Variants in PTPRT observed in about 807,000 individuals in gnomAD.
The protein encoded by PTPRT is protein tyrosine phosphatase receptor type T.
A neutral mutation model predicts 176.8 loss-of-function variants in PTPRT; 56 were observed. The observed-to-expected ratio is 0.32, with a 90% CI of 0.26 to 0.40. PTPRT has a LOEUF of 0.40. Among genes scored for constraint, PTPRT ranks in the 10% least tolerant of loss-of-function variants. PTPRT has a pLI of 1.00. For missense variants in PTPRT, 1,540 were observed against 1,908.2 expected (o/e 0.81, Z 3.60); for synonymous variants, 783 against 739.0 (o/e 1.06, Z -0.96).
At position 42,672,531 on chromosome 20, in the gene PTPRT, C is replaced by T. The variant is rs115427423; in HGVS notation, c.1153+5335G>A. Among the ~76,000 whole-genome samples the T allele has an allele frequency of 3.7e-3, 564 of 152,262 alleles. 4 individuals are homozygous for T. The highest frequency in any genetic ancestry group is 0.012 in the African/African-American group (502 of 41,540). ...ACTAATACAACCACTCATCTCTCAGCCATCTAAACTGAAGCATGGGAGTAT... is the reference window on the plus strand; with the variant it reads ...ACTAATACAACCACTCATCTCTCAGTCATCTAAACTGAAGCATGGGAGTAT... On this transcript the variant is annotated intron_variant, in intron 7 of 30. Transcript: ENST00000373187.
chr20:43,058,769 A>G (rs908023706), intron 1 of PTPRT, among the ~76,000 whole-genome samples: 2 of 152,218 alleles, frequency 1.3e-5, no homozygotes, highest in Non-Finnish European at 1.5e-5. Context: ...TTTTCAGTAC[A>G]ACATAATATA....
chr20:42,032,563 G>A, the PTPRT span, among the ~76,000 whole-genome samples: 4 of 152,148 alleles, frequency 2.6e-5, no homozygotes, highest in Non-Finnish European at 4.4e-5. Flanking sequence ...ACTGAATAGT[G>A]GGCAAACTTT....
chr20:42,763,565 G>A (rs2076944830), intron 5 of PTPRT, among the ~76,000 whole-genome samples: 1 of 152,114 alleles, frequency 6.6e-6, no homozygotes. Flanking sequence ...GAATTTCCTG[G>A]CCAGAAAATA....
chr20:42,232,395 C>T (rs183888912), intron 15 of PTPRT, among the ~76,000 whole-genome samples: 64 of 152,324 alleles, frequency 4.2e-4, no homozygotes, highest in Non-Finnish European at 7.2e-4. Context: ...GACCTTGTTA[C>T]AATGCAGATT....
intron 13 of PTPRT, among the ~76,000 whole-genome samples, chr20:42,271,320 C>T (rs571710569): frequency 6.6e-6 from 1 of 152,204 alleles, no homozygotes; most frequent in Non-Finnish European, 1.5e-5. Flanking sequence ...TGCTCCTTCA[C>T]CTGGCTGATA....
chr20:42,557,160 G>T (rs150479201), intron 7 of PTPRT, among the ~76,000 whole-genome samples: 1 of 151,962 alleles, frequency 6.6e-6, no homozygotes, highest in East Asian at 1.9e-4. Flanking sequence ...CTTGTTTTGC[G>T]GGCTCACCCC....
chr20:42,767,306 A>G (rs1230789495), intron 5 of PTPRT, among the ~76,000 whole-genome samples: 1 of 152,150 alleles, frequency 6.6e-6, no homozygotes, highest in African/African-American at 2.4e-5. Flanking sequence ...GGCCCTCCCC[A>G]GCGTGAATGG....
At chr20:42,995,445 C>A (rs1984169570) in intron 1 of PTPRT, among the ~76,000 whole-genome samples, 1 of 152,114 alleles carries the variant, frequency 6.6e-6, no homozygotes, top group South Asian at 2.1e-4. Flanking sequence ...CTTGTGTGAA[C>A]CAAGTGACAC....
At chr20:43,065,784 T>G (rs2011107204) in intron 1 of PTPRT, among the ~76,000 whole-genome samples, 1 of 152,198 alleles carries the variant, frequency 6.6e-6, no homozygotes, top group Non-Finnish European at 1.5e-5. Context: ...TGATGTTGCC[T>G]CATAGATTCA....
intron 9 of PTPRT, among the ~76,000 whole-genome samples, chr20:42,423,913 A>G (rs2059141439): frequency 6.6e-6 from 1 of 152,236 alleles, no homozygotes; most frequent in South Asian, 2.1e-4. Flanking sequence ...ATATGTATAT[A>G]GACAGGTACT....
At chr20:42,295,282 T>G (rs187480744) in intron 12 of PTPRT, among the ~76,000 whole-genome samples, 5 of 152,280 alleles carry the variant, frequency 3.3e-5, no homozygotes, top group Admixed American at 2.0e-4. Context: ...AAAAACAGCA[T>G]GCAAAGCAAG....
At chr20:43,164,487 A>G (rs1166471064) in intron 1 of PTPRT, among the ~76,000 whole-genome samples, 1 of 152,218 alleles carries the variant, frequency 6.6e-6, no homozygotes, top group Non-Finnish European at 1.5e-5. Context: ...TGAAGGAAAG[A>G]TATTTGAGCT....
At chr20:42,465,404 C>T (rs866679775) in intron 8 of PTPRT, among the ~76,000 whole-genome samples, 65 of 152,090 alleles carry the variant, frequency 4.3e-4, no homozygotes, top group African/African-American at 1.5e-3. Context: ...ACGGAAACAA[C>T]CTGGGTGTCC....
intron 1 of PTPRT, among the ~76,000 whole-genome samples, chr20:42,989,626 C>T (rs1983780655): frequency 6.6e-6 from 1 of 152,208 alleles, no homozygotes; most frequent in Non-Finnish European, 1.5e-5. Flanking sequence ...ACTCAGGTAC[C>T]ACAAGGATGT....
intron 17 of PTPRT, among the ~76,000 whole-genome samples, chr20:42,150,691 T>G (rs1989087460): frequency 1.3e-5 from 2 of 152,164 alleles, no homozygotes; most frequent in African/African-American, 2.4e-5. Flanking sequence ...GCAAATAAGT[T>G]CACCACTTCG....
At chr20:43,062,984 C>T (rs1430045301) in intron 1 of PTPRT, among the ~76,000 whole-genome samples, 1 of 152,138 alleles carries the variant, frequency 6.6e-6, no homozygotes. Context: ...AATCTGTGAG[C>T]TCATCTCTTT....
chr20:42,573,379 C>T (rs755849049), intron 7 of PTPRT, among the ~76,000 whole-genome samples: 6 of 152,196 alleles, frequency 3.9e-5, no homozygotes, highest in Non-Finnish European at 7.3e-5. Flanking sequence ...ATAAGATACC[C>T]TTCCTCCATA....
Position 42,931,431 on chromosome 20 carries a change from C to T in PTPRT, c.89-45499G>A, listed in dbSNP as rs548425559. Among the ~76,000 whole-genome samples the T allele has an allele frequency of 1.1e-4, 16 of 152,276 alleles. No homozygotes were observed. The South Asian group carries it at 2.9e-3, about 28-fold the overall frequency. ...CTTCCAGACTGTGAGAAAATAAATGCCTGTTGTTTAAGCCACGCAGTCTAT... is the reference window on the plus strand; with the variant it reads ...CTTCCAGACTGTGAGAAAATAAATGTCTGTTGTTTAAGCCACGCAGTCTAT... On this transcript the variant is annotated intron_variant, in intron 1 of 30. Coordinates refer to ENST00000373187, the MANE Select transcript of PTPRT (RefSeq NM_007050.6).
chr20:42,844,255 T>G (rs1415054611), intron 2 of PTPRT, among the ~76,000 whole-genome samples: 7 of 152,206 alleles, frequency 4.6e-5, no homozygotes, highest in Non-Finnish European at 7.3e-5. Flanking sequence ...GAAATCATAG[T>G]GTTTTTCAAA....
Sources: gnomAD v4.1 joint callset for allele counts (sites outside exome capture counted in the v4.1 genomes callset) on GRCh38, gnomAD v4.1.1 for gene constraint, MANE v1.5 for transcripts, NCBI Gene and HGNC (gene_info 2026-07-23, HGNC 2026-07-21) for gene names.